Variants in CPQ observed in about 807,000 individuals in gnomAD.
CPQ encodes carboxypeptidase Q.
A neutral mutation model predicts 45.7 loss-of-function variants in CPQ; 37 were observed. The observed-to-expected ratio is 0.81, with a 90% CI of 0.62 to 1.07. CPQ has a LOEUF of 1.07. Among genes scored for constraint, CPQ ranks in the 50% least tolerant of loss-of-function variants. The pLI, the probability that CPQ is intolerant of heterozygous loss-of-function variation, is 0.00. For missense variants in CPQ, 537 were observed against 572.9 expected, an observed-to-expected ratio of 0.94 and a Z score of 0.64; for synonymous variants, 186 against 205.8, an observed-to-expected ratio of 0.90 and a Z score of 0.82.
At chr8:96,741,549 T>G (rs964683636) in intron 1 of CPQ, among the ~76,000 whole-genome samples, 42 of 152,214 alleles carry the variant, frequency 2.8e-4, no homozygotes, top group Non-Finnish European at 5.9e-5. Flanking sequence ...CTTTTCTAAT[T>G]CTTTTAATTG....
intron 4 of CPQ, among the ~76,000 whole-genome samples, chr8:96,912,037 A>G (rs1444584748): frequency 6.6e-6 from 1 of 152,126 alleles, no homozygotes; most frequent in Admixed American, 6.6e-5. Context: ...TGCTGTGAGG[A>G]TCGGATGAGC....
intron 3 of CPQ, among the ~76,000 whole-genome samples, chr8:96,878,602 A>G (rs1397428592): frequency 2.0e-5 from 3 of 152,234 alleles, no homozygotes; most frequent in Non-Finnish European, 4.4e-5. Flanking sequence ...TAACAATTCT[A>G]CATTGCAGTT....
intron 1 of CPQ, among the ~76,000 whole-genome samples, chr8:96,693,974 C>T (rs72682309): frequency 0.28 from 43,229 of 151,844 alleles, 6,530 homozygotes; most frequent in East Asian, 0.6. Flanking sequence ...AGCAGGGAGA[C>T]GAAGTAAAAG....
At position 96,818,957 on chromosome 8, in the gene CPQ, CTT is replaced by C. The variant is rs375776140; in HGVS notation, c.434-16012_434-16011del. On this transcript the variant is annotated intron_variant, in intron 2 of 7. Coordinates refer to ENST00000220763, the MANE Select transcript of CPQ (RefSeq NM_016134.4). The stretch of plus-strand genomic sequence containing the variant: ...AAATATATTGCAAATTCAGCCACTT[CTT>C]TTTCTCTTCTGTGAAATCAGGCCTG... Among the ~76,000 whole-genome samples, 481 of 152,194 alleles carry C rather than the reference CTT, an allele frequency of 3.2e-3. 4 individuals are homozygous for C. Among genetic ancestry groups the C allele is most frequent in the South Asian group, 0.021 (100 of 4,826 alleles).
chr8:96,912,173 A>G (rs181631733), intron 4 of CPQ, among the ~76,000 whole-genome samples: 1 of 152,320 alleles, frequency 6.6e-6, no homozygotes, highest in East Asian at 1.9e-4. Flanking sequence ...AAGGTCATTC[A>G]GGATTATTTT....
intron 4 of CPQ, among the ~76,000 whole-genome samples, chr8:96,936,785 C>G (rs1813056586): frequency 6.6e-6 from 1 of 152,176 alleles, no homozygotes; most frequent in Admixed American, 6.5e-5. Context: ...ACAATTTTAT[C>G]ACCCTGGCAG....
intron 7 of CPQ, among the ~76,000 whole-genome samples, chr8:97,084,417 G>T (rs1360609614): frequency 6.6e-6 from 1 of 152,064 alleles, no homozygotes; most frequent in Non-Finnish European, 1.5e-5. Context: ...TCAGGAAAAG[G>T]TGTCCTATTT....
intron 1 of CPQ, among the ~76,000 whole-genome samples, chr8:96,767,493 CT>C (rs3036420): frequency 2.0e-5 from 3 of 147,234 alleles, no homozygotes; most frequent in African/African-American, 2.5e-5. Flanking sequence ...CTCCAAGTAT[CT>C]TTTTTTTTTT....
intron 6 of CPQ, among the ~76,000 whole-genome samples, chr8:97,031,778 G>A (rs1809911750): frequency 6.6e-6 from 1 of 152,166 alleles, no homozygotes; most frequent in African/African-American, 2.4e-5. Context: ...CTTCATGTTG[G>A]TGGCTAGTCT....
At chr8:96,712,564 G>A (rs1186465242) in intron 1 of CPQ, among the ~76,000 whole-genome samples, 3 of 152,214 alleles carry the variant, frequency 2.0e-5, no homozygotes, top group Non-Finnish European at 4.4e-5. Context: ...CCACATGTAA[G>A]CCACCAGGGC....
chr8:96,656,141 A>G (rs1290322513), intron 1 of CPQ, among the ~76,000 whole-genome samples: 1 of 152,240 alleles, frequency 6.6e-6, no homozygotes, highest in Non-Finnish European at 1.5e-5. Context: ...GGCATAAGCC[A>G]CTGCATCCAG....
intron 7 of CPQ, among the ~76,000 whole-genome samples, chr8:97,098,911 C>T (rs1811254012): frequency 6.6e-6 from 1 of 152,086 alleles, no homozygotes; most frequent in South Asian, 2.1e-4. Context: ...CACCCCCACA[C>T]ACACATACAT....
intron 5 of CPQ, among the ~76,000 whole-genome samples, chr8:96,975,646 T>C (rs1813764425): frequency 6.6e-6 from 1 of 152,162 alleles, no homozygotes; most frequent in African/African-American, 2.4e-5. Flanking sequence ...TACTTCACCA[T>C]GATCAAGTGG....
intron 7 of CPQ, among the ~76,000 whole-genome samples, chr8:97,123,198 A>G (rs1414434396): frequency 7.6e-6 from 1 of 131,084 alleles, no homozygotes; most frequent in African/African-American, 2.8e-5. Context: ...ATAAAATAAA[A>G]TAAAATAAAA....
At chr8:96,956,511 T>A (rs989449201) in intron 4 of CPQ, among the ~76,000 whole-genome samples, 2 of 152,194 alleles carry the variant, frequency 1.3e-5, no homozygotes, top group African/African-American at 4.8e-5. Context: ...ACTATGAATA[T>A]TGAAGTTAAA....
At chr8:96,884,004 A>G (rs1812266734) in intron 4 of CPQ, among the ~76,000 whole-genome samples, 1 of 152,192 alleles carries the variant, frequency 6.6e-6, no homozygotes, top group Admixed American at 6.5e-5. Context: ...TCCTCTTTAA[A>G]TCTGGAAGTT....
chr8:96,966,109 C>A, intron 5 of CPQ, 63 bp downstream of exon 5: 2 of 1,150,294 alleles, frequency 1.7e-6, no homozygotes, highest in Non-Finnish European at 2.6e-6. Flanking sequence ...TAACTCAAAA[C>A]ACAAAATACT....
At chr8:96,710,642 A>G (rs1809595372) in intron 1 of CPQ, among the ~76,000 whole-genome samples, 1 of 152,010 alleles carries the variant, frequency 6.6e-6, no homozygotes, top group South Asian at 2.1e-4. Flanking sequence ...ATTTCCATGT[A>G]TTTGTGTAGT....
At chr8:96,894,221 C>A (rs142185049) in intron 4 of CPQ, among the ~76,000 whole-genome samples, 1 of 152,164 alleles carries the variant, frequency 6.6e-6, no homozygotes, top group Non-Finnish European at 1.5e-5. Flanking sequence ...TTATCAGAGA[C>A]CCTAAGCCAG....
Sources: gnomAD v4.1 joint callset for allele counts (sites outside exome capture counted in the v4.1 genomes callset) on GRCh38, gnomAD v4.1.1 for gene constraint, MANE v1.5 for transcripts, NCBI Gene and HGNC (gene_info 2026-07-23, HGNC 2026-07-21) for gene names.